Variants in NCAM1 observed in about 807,000 individuals in gnomAD.
NCAM1 encodes the protein neural cell adhesion molecule 1.
NCAM1 carries 14 observed loss-of-function variants against 109.8 expected under a neutral mutation model. The ratio of observed to expected loss-of-function variants is 0.13; its 90% confidence interval spans 0.08 to 0.20. The LOEUF is 0.20. Ranked by LOEUF, NCAM1 falls within the 10% of genes least tolerant of loss-of-function variation. The pLI is 1.00. For missense variants in NCAM1, 774 were observed against 1,109.9 expected, an observed-to-expected ratio of 0.70 and a Z score of 4.30; for synonymous variants, 418 against 442.9, an observed-to-expected ratio of 0.94 and a Z score of 0.70.
chr11:113,273,554 C>A lies in NCAM1; in HGVS notation c.2456+1678C>A. Reference sequence around the variant, plus strand: ...CGAAGAGCGAGGCTGCCTCCGTCAGCACCACAAACCCTTCCCAGGGCGAGG... The same window carrying A: ...CGAAGAGCGAGGCTGCCTCCGTCAGAACCACAAACCCTTCCCAGGGCGAGG... On this transcript the variant is annotated intron_variant, in intron 19 of 19. Coordinates refer to ENST00000316851, the MANE Select transcript of NCAM1 (RefSeq NM_181351.5). This position sits in a 1 kb window ranked among gnomAD's most constrained non-coding sequence, Gnocchi z 6.0. The A allele has an allele frequency of 2.6e-6, 1 of 382,446 alleles. No homozygotes were observed. The highest frequency in any genetic ancestry group is 1.8e-5 in the South Asian group (1 of 54,200). The allele number at this position is 382,446 out of a possible 1,614,324, so 23.7% of individuals were successfully genotyped here.
chr11:113,085,261 T>C (rs1268056088), intron 1 of NCAM1, among the ~76,000 whole-genome samples: 2 of 152,218 alleles, frequency 1.3e-5, no homozygotes, highest in African/African-American at 4.8e-5. Context: ...TAATCTTCTG[T>C]TAAGTGAGAC....
At chr11:113,080,893 T>C (rs1938779193) in intron 1 of NCAM1, among the ~76,000 whole-genome samples, 2 of 152,214 alleles carry the variant, frequency 1.3e-5, no homozygotes, top group Admixed American at 6.5e-5. Flanking sequence ...CACTTTGTTT[T>C]GCATATTGCT....
intron 1 of NCAM1, among the ~76,000 whole-genome samples, chr11:113,178,441 C>T (rs1213772248): frequency 2.0e-5 from 3 of 152,200 alleles, no homozygotes; most frequent in African/African-American, 7.2e-5. Context: ...ATTTCATTAG[C>T]AGATTGATGA....
intron 1 of NCAM1, among the ~76,000 whole-genome samples, chr11:113,096,326 A>G (rs1189463427): frequency 1.3e-5 from 2 of 152,226 alleles, no homozygotes; most frequent in Non-Finnish European, 2.9e-5. Context: ...GAGAAAAATT[A>G]ATGACAAGGG....
At chr11:113,243,941 T>G (rs1460093990) in intron 14 of NCAM1, among the ~76,000 whole-genome samples, 1 of 152,120 alleles carries the variant, frequency 6.6e-6, no homozygotes, top group African/African-American at 2.4e-5. Flanking sequence ...TTCTTGGTGT[T>G]CCCTCCGTGT....
chr11:113,196,635 T>G (rs542103311), intron 1 of NCAM1, among the ~76,000 whole-genome samples: 2 of 152,306 alleles, frequency 1.3e-5, no homozygotes, highest in African/African-American at 4.8e-5. Flanking sequence ...TTTTCCCTGT[T>G]TTACAGATGA....
rs1175137847 is a variant in NCAM1 at position 113,277,493 on chromosome 11, G to A, written c.*2106G>A. ...GATCTTAGAGCACACAGTAGAATGT[G>A]AGAGCCTGGGTGTCTGAGACCGGGA... On this transcript the variant is annotated 3_prime_UTR_variant, in exon 20 of 20. Transcript: ENST00000316851. The A allele has an allele frequency of 2.5e-6, 1 of 398,806 alleles. No individual in the cohort carries two copies. Among genetic ancestry groups the A allele is most frequent in the Non-Finnish European group, 4.4e-6 (1 of 226,080 alleles). The allele number at this position is 398,806 out of a possible 1,614,324, so 24.7% of individuals were successfully genotyped here.
chr11:112,961,548 C>A lies in NCAM1; in HGVS notation c.-65C>A. ...CTGTCGCTCAGCCGCCGTCCACACT[C>A]GCTGCAGGGGGGGGGGCACAGAATT... On this transcript the variant is annotated 5_prime_UTR_variant, in exon 1 of 20. Transcript: ENST00000316851. The A allele has an allele frequency of 9.5e-7, 1 of 1,047,896 alleles. No individual in the cohort carries two copies. 64.9% of individuals were successfully genotyped at this position (1,047,896 alleles called of 1,614,324 possible).
chr11:113,212,042 T>A (rs1944404796), intron 7 of NCAM1, among the ~76,000 whole-genome samples: 1 of 152,202 alleles, frequency 6.6e-6, no homozygotes, highest in Non-Finnish European at 1.5e-5. Context: ...TCCCTCTAGA[T>A]GCTGGAAGGC....
intron 1 of NCAM1, among the ~76,000 whole-genome samples, chr11:112,973,744 A>G (rs1240745952): frequency 6.6e-6 from 1 of 152,100 alleles, no homozygotes; most frequent in Admixed American, 6.6e-5. Context: ...GCTAAAGTTC[A>G]CAGTGAAGGG....
chr11:113,090,282 A>G (rs1939281937), intron 1 of NCAM1, among the ~76,000 whole-genome samples: 1 of 152,194 alleles, frequency 6.6e-6, no homozygotes, highest in Admixed American at 6.5e-5. Context: ...TGCATGAATT[A>G]TTACTTAGAG....
At chr11:113,243,604 T>C (rs1945407976) in intron 14 of NCAM1, 3 of 518,672 alleles carry the variant, frequency 5.8e-6, no homozygotes, top group Admixed American at 1.9e-5. Flanking sequence ...GTCTTCATAA[T>C]GCTCTAATGA....
chr11:113,188,058 G>A (rs1943566173), intron 1 of NCAM1, among the ~76,000 whole-genome samples: 1 of 152,190 alleles, frequency 6.6e-6, no homozygotes, highest in African/African-American at 2.4e-5. Flanking sequence ...TGTTGCTACT[G>A]TTGCTGCTGT....
At chr11:113,173,376 A>G (rs1329537374) in intron 1 of NCAM1, among the ~76,000 whole-genome samples, 1 of 151,824 alleles carries the variant, frequency 6.6e-6, no homozygotes, top group East Asian at 1.9e-4. Context: ...ACTTCCCTGG[A>G]CCTCAGCCCT....
chr11:113,124,504 C>T (rs1277309918), intron 1 of NCAM1, among the ~76,000 whole-genome samples: 2 of 152,214 alleles, frequency 1.3e-5, no homozygotes, highest in African/African-American at 4.8e-5. Flanking sequence ...AGCTAAGTCC[C>T]TCTCTGTACA....
intron 1 of NCAM1, among the ~76,000 whole-genome samples, chr11:113,159,972 A>G (rs1942545808): frequency 6.6e-6 from 1 of 151,062 alleles, no homozygotes. Flanking sequence ...CTCAGTGTTC[A>G]TTACTATATG....
intron 1 of NCAM1, among the ~76,000 whole-genome samples, chr11:113,088,501 C>T (rs1176343646): frequency 6.6e-6 from 1 of 151,094 alleles, no homozygotes; most frequent in Non-Finnish European, 1.5e-5. Flanking sequence ...CCATGTATCC[C>T]CGCTGCCCCT....
chr11:113,108,660 T>C (rs1940280141), intron 1 of NCAM1, among the ~76,000 whole-genome samples: 1 of 152,188 alleles, frequency 6.6e-6, no homozygotes, highest in African/African-American at 2.4e-5. Context: ...TCTAAGCACT[T>C]TGTACTATCT....
intron 1 of NCAM1, among the ~76,000 whole-genome samples, chr11:113,142,769 C>A (rs569590864): frequency 6.6e-6 from 1 of 152,224 alleles, no homozygotes; most frequent in African/African-American, 2.4e-5. Flanking sequence ...TGTTCTCTGG[C>A]GGGTGTGTAT....
Sources: allele counts gnomAD v4.1 joint callset (sites outside exome capture counted in the v4.1 genomes callset), GRCh38; gene constraint gnomAD v4.1.1; non-coding constraint Gnocchi (gnomAD v3.1); transcripts MANE v1.5; gene names NCBI Gene and HGNC (gene_info 2026-07-23, HGNC 2026-07-21).